PGAP4: variants seen among roughly 807,000 people sequenced by gnomAD.
PGAP4 encodes GPI-N-acetylgalactosamine transferase PGAP4.
PGAP4 carries 12 observed loss-of-function variants against 28.2 expected under a neutral mutation model. The ratio of observed to expected loss-of-function variants is 0.42; its 90% CI spans 0.27 to 0.69. PGAP4 has a LOEUF of 0.69. Among genes scored for constraint, PGAP4 ranks in the 30% least tolerant of loss-of-function variants. The probability of loss-of-function intolerance (pLI) is 0.22; values close to 1 mark genes in which losing one functional copy is unlikely to be tolerated. For synonymous variants in PGAP4, 205 were observed against 211.8 expected, an observed-to-expected ratio of 0.97 and a Z score of 0.28; for missense variants, 425 against 513.5, an observed-to-expected ratio of 0.83 and a Z score of 1.67.
intron 1 of PGAP4, among the ~76,000 whole-genome samples, chr9:101,532,466 G>A (rs1231557230): frequency 6.6e-6 from 1 of 152,064 alleles, no homozygotes; most frequent in Non-Finnish European, 1.5e-5. Context: ...TAACCACGCA[G>A]GACAGCCAAT....
chr9:101,481,884 C>T (rs1248923522), intron 1 of PGAP4, among the ~76,000 whole-genome samples: 1 of 152,124 alleles, frequency 6.6e-6, no homozygotes, highest in African/African-American at 2.4e-5. Context: ...CTAATCCCAC[C>T]TCTACGGCCT....
At chr9:101,503,146 G>C (rs537367181) in intron 2 of PGAP4, among the ~76,000 whole-genome samples, 1 of 152,134 alleles carries the variant, frequency 6.6e-6, no homozygotes, top group East Asian at 1.9e-4. Context: ...GAGTTTTGCA[G>C]GAAAGCTTCT....
rs1826213383 is a variant in PGAP4, at chr9:101,473,560, A to G, written c.*2321T>C. 6.6e-6 allele frequency: 1 copy of G among 152,308 alleles called. No homozygotes were observed. Among genetic ancestry groups the G allele is most frequent in the African/African-American group, 2.4e-5 (1 of 41,478 alleles). The allele number at this position is 152,308 out of a possible 1,614,324, so 9.4% of individuals were successfully genotyped here. A position where few individuals can be genotyped will look rare whatever the true frequency, so the allele number is the denominator to read the frequency against. On this transcript the variant is annotated 3_prime_UTR_variant, in exon 2 of 2. Coordinates refer to ENST00000374848, the MANE Select transcript of PGAP4 (RefSeq NM_032342.3). ...AAAGACAACTGGCAGAGTTCACTCC[A>G]TGGGGAAAAGGCATGTTAGTGTGTA... is the stretch of plus-strand genomic sequence containing the variant.
rs906298798 is a variant in PGAP4, at chr9:101,474,524, G to A, written c.*1357C>T. 1 of 152,214 alleles carries A rather than the reference G, an allele frequency of 6.6e-6. No homozygotes were observed. Among genetic ancestry groups the A allele is most frequent in the Non-Finnish European group, 1.5e-5 (1 of 68,046 alleles). The allele number at this position is 152,214 out of a possible 1,614,324, so 9.4% of individuals were successfully genotyped here. On this transcript the variant is annotated 3_prime_UTR_variant, in exon 2 of 2. Coordinates refer to ENST00000374848, the MANE Select transcript of PGAP4 (RefSeq NM_032342.3). ...ATTTCCAAGCTGGAGATCATTTCCA[G>A]TTTGAATGAACAATTCTTCTTTTTG...
chr9:101,513,005 C>A (rs1203228200), intron 2 of PGAP4, among the ~76,000 whole-genome samples: 1 of 152,160 alleles, frequency 6.6e-6, no homozygotes, highest in Non-Finnish European at 1.5e-5. Context: ...TTCCTAGAAA[C>A]CTCAGTGTCA....
chr9:101,532,179 G>A (rs1031521446), intron 1 of PGAP4, among the ~76,000 whole-genome samples: 2 of 151,972 alleles, frequency 1.3e-5, no homozygotes, highest in Non-Finnish European at 2.9e-5. Context: ...CTGAGGCATG[G>A]GAATTGCTTG....
In PGAP4 at chr9:101,477,152, A is replaced by C; in HGVS notation, c.-60T>G. On this transcript the variant is annotated 5_prime_UTR_variant, in exon 2 of 2. Transcript: ENST00000374848. ...AAAACCATCCTGGAACTCAGGCCAGAGTCATCAGAAATCAAACCTAAAGAG... is the reference window on the plus strand; with the variant it reads ...AAAACCATCCTGGAACTCAGGCCAGCGTCATCAGAAATCAAACCTAAAGAG... 10 of 1,493,466 alleles carry C rather than the reference A, an allele frequency of 6.7e-6. No homozygotes were observed. The highest frequency in any genetic ancestry group is 6.2e-6 in the Non-Finnish European group (7 of 1,123,586). The allele number at this position is 1,493,466 out of a possible 1,614,324, so 92.5% of individuals were successfully genotyped here.
At chr9:101,505,933 G>A (rs916889868) in intron 2 of PGAP4, among the ~76,000 whole-genome samples, 1 of 152,122 alleles carries the variant, frequency 6.6e-6, no homozygotes, top group Non-Finnish European at 1.5e-5. Flanking sequence ...AAAAAACAAA[G>A]AGCTTCCAAA....
At chr9:101,518,312 C>G (rs907376523) in intron 2 of PGAP4, among the ~76,000 whole-genome samples, 1 of 151,872 alleles carries the variant, frequency 6.6e-6, no homozygotes, top group African/African-American at 2.4e-5. Flanking sequence ...ATTGGGGGTA[C>G]AGGTGGTATT....
upstream of PGAP4, among the ~76,000 whole-genome samples, chr9:101,487,657 C>A (rs1226325988): frequency 1.3e-5 from 2 of 152,188 alleles, no homozygotes; most frequent in Non-Finnish European, 2.9e-5. Context: ...AATTGTACGG[C>A]CTTACTCAGT....
intron 2 of PGAP4, among the ~76,000 whole-genome samples, chr9:101,514,020 T>G (rs908836756): frequency 6.6e-6 from 1 of 151,774 alleles, no homozygotes; most frequent in Non-Finnish European, 1.5e-5. Flanking sequence ...TTTTTTTTTT[T>G]TGTTCTATTC....
rs1826798798 is a variant in PGAP4 at position 101,501,518 on chromosome 9, A to G, written c.-164-12318T>C. The G allele has an allele frequency of 5.3e-5, 20 of 379,218 alleles. 1 individual carries two copies. The highest frequency in any genetic ancestry group is 4.1e-4 in the South Asian group (20 of 48,436). 23.5% of individuals were successfully genotyped at this position (379,218 alleles called of 1,614,324 possible). On this transcript the variant is annotated intron_variant, in intron 2 of 3. Coordinates refer to the PGAP4 transcript ENST00000374851. ...ATTTATTAATCAGTGTAATCTCCCTAGTAGATTACATCAACATGATTTCAT... is the reference window on the plus strand; with the variant it reads ...ATTTATTAATCAGTGTAATCTCCCTGGTAGATTACATCAACATGATTTCAT...
chr9:101,532,488 T>C (rs1249983390), intron 1 of PGAP4, among the ~76,000 whole-genome samples: 2 of 152,156 alleles, frequency 1.3e-5, no homozygotes, highest in Non-Finnish European at 2.9e-5. Context: ...CTGTCTAAAA[T>C]AAACAAAGCA....
intron 2 of PGAP4, among the ~76,000 whole-genome samples, chr9:101,500,842 G>A (rs1032044412): frequency 3.3e-5 from 5 of 152,008 alleles, no homozygotes; most frequent in African/African-American, 1.2e-4. Flanking sequence ...TAAGGAAAAA[G>A]GCAATATGCT....
chr9:101,529,738 T>G lies in PGAP4; in HGVS notation c.-165+1610A>C, dbSNP rs530143560. 2.0e-5 allele frequency among the ~76,000 whole-genome samples: 3 copies of G among 152,060 alleles called. No individual in the cohort carries two copies. The South Asian group carries it at 6.2e-4, about 32-fold the overall frequency. The stretch of plus-strand genomic sequence containing the variant: ...AGAAAGGTGTGGCGAGGGTGAATGG[T>G]AGGAGAAGGGAAAGGTGAGGACAAG... On this transcript the variant is annotated intron_variant, in intron 2 of 3. Coordinates refer to the PGAP4 transcript ENST00000374851.
At chr9:101,494,546 T>C (rs1057129721) in intron 2 of PGAP4, among the ~76,000 whole-genome samples, 3 of 151,992 alleles carry the variant, frequency 2.0e-5, no homozygotes, top group South Asian at 4.1e-4. Context: ...ATTTTTGTTT[T>C]GTTTAATCCT....
At chr9:101,512,047 GA>G (rs1370163299) in intron 2 of PGAP4, among the ~76,000 whole-genome samples, 1 of 152,144 alleles carries the variant, frequency 6.6e-6, no homozygotes, top group Non-Finnish European at 1.5e-5. Context: ...TGAAAATCCA[GA>G]ATGATGATCA....
At position 101,474,337 on chromosome 9, in the gene PGAP4, G is replaced by T. The variant is rs765230616; in HGVS notation, c.*1544C>A. 6.6e-6 allele frequency: 1 copy of T among 152,204 alleles called. No individual in the cohort carries two copies. Among genetic ancestry groups the T allele is most frequent in the Non-Finnish European group, 1.5e-5 (1 of 68,058 alleles). 9.4% of individuals were successfully genotyped at this position (152,204 alleles called of 1,614,324 possible). A position where few individuals can be genotyped will look rare whatever the true frequency, so the allele number is the denominator to read the frequency against. On this transcript the variant is annotated 3_prime_UTR_variant, in exon 2 of 2. Coordinates refer to ENST00000374848, the MANE Select transcript of PGAP4 (RefSeq NM_032342.3). ...GAATTTAAAAGCAAACTGTGGCATCGAAACAAACTGGACAATTGCTTGAAC... is the reference window on the plus strand; with the variant it reads ...GAATTTAAAAGCAAACTGTGGCATCTAAACAAACTGGACAATTGCTTGAAC...
At chr9:101,492,417 A>G (rs560671466) in intron 2 of PGAP4, among the ~76,000 whole-genome samples, 32 of 151,968 alleles carry the variant, frequency 2.1e-4, no homozygotes, top group Non-Finnish European at 3.5e-4. Context: ...TGGTCTTGAT[A>G]TCCTGACCTC....
Sources: allele counts gnomAD v4.1 joint callset (sites outside exome capture counted in the v4.1 genomes callset), GRCh38; gene constraint gnomAD v4.1.1; transcripts MANE v1.5; gene names NCBI Gene and HGNC (gene_info 2026-07-23, HGNC 2026-07-21).